EXOC2: variants seen among roughly 807,000 people sequenced by gnomAD.
The protein encoded by EXOC2 is exocyst complex component 2, also known as SEC5-like 1.
Under a neutral mutation model 131.8 loss-of-function variants are expected in EXOC2, and 70 were observed. That is an observed-to-expected ratio of 0.53 (90% CI 0.44 to 0.65). The LOEUF (loss-of-function observed/expected upper bound fraction) is 0.65. EXOC2 is among the 30% of genes least tolerant of loss of function. EXOC2 has a pLI of 0.00. For missense variants in EXOC2, 923 were observed against 1,108.6 expected, an observed-to-expected ratio of 0.83 and a Z score of 2.38; for synonymous variants, 411 against 398.4, an observed-to-expected ratio of 1.03 and a Z score of -0.38.
rs138987279 is a variant in EXOC2, at chr6:672,014, G to A, written c.-44+21005C>T. Among the ~76,000 whole-genome samples the A allele has an allele frequency of 1.8e-3, 266 of 151,990 alleles. 1 individual carries two copies. Among genetic ancestry groups the A allele is most frequent in the Non-Finnish European group, 2.7e-3 (185 of 67,994 alleles). ...ACAAAAAACTCTCAGCCATTATTAC[G>A]GCAAATATTTCTTCTGTTATTTTTT... On this transcript the variant is annotated intron_variant, in intron 1 of 27. Transcript: ENST00000230449.
intron 1 of EXOC2, chr6:656,187 T>C (rs370485638): frequency 2.0e-5 from 33 of 1,614,036 alleles, no homozygotes; most frequent in Admixed American, 3.3e-5. Flanking sequence ...GTCCCAAATA[T>C]TGCACAGGGC....
intron 23 of EXOC2, among the ~76,000 whole-genome samples, chr6:500,192 C>A (rs1418575213): frequency 1.3e-5 from 2 of 152,138 alleles, no homozygotes; most frequent in Non-Finnish European, 2.9e-5. Context: ...TCAATTATAG[C>A]ATCTTACTAC....
intron 1 of EXOC2, among the ~76,000 whole-genome samples, chr6:675,262 A>ATTTT (rs1764057298): frequency 6.6e-6 from 1 of 152,232 alleles, no homozygotes; most frequent in Admixed American, 6.5e-5. Flanking sequence ...CTCTTCACCA[A>ATTTT]AAAAGAGACT....
rs749589702 is a variant in EXOC2, at chr6:553,858, G to T, written c.2117C>A (p.Thr706Asn). 12 of 1,613,568 alleles carry T rather than the reference G, an allele frequency of 7.4e-6. No homozygotes were observed. In the Admixed American group the frequency reaches 1.8e-4, roughly 25 times the overall value. ...TCTAGTTATCGTCTGACTTACTGAGGTCAAGCTGAAGTCTTCATGGATACT... is the reference window on the plus strand; with the variant it reads ...TCTAGTTATCGTCTGACTTACTGAGTTCAAGCTGAAGTCTTCATGGATACT... ...FGSIHEDFSL[T>N]SEQRLLIVLS... The change falls in exon 21 of 28, where the codon ACC becomes AAC. Residue 706 changes from threonine (T) to asparagine (N), a missense_variant. By Grantham distance (65) the Thr-to-Asn change is moderately conservative. Coordinates refer to ENST00000230449, the MANE Select transcript of EXOC2 (RefSeq NM_018303.6).
chr6:545,100 T>C (rs1204461387), intron 22 of EXOC2, among the ~76,000 whole-genome samples: 5 of 138,482 alleles, frequency 3.6e-5, no homozygotes, highest in Admixed American at 1.6e-4. Context: ...TGAGCCGAGA[T>C]TGCGCCACTG....
At chr6:658,941 C>T (rs935100135) in intron 1 of EXOC2, among the ~76,000 whole-genome samples, 1 of 152,028 alleles carries the variant, frequency 6.6e-6, no homozygotes, top group Non-Finnish European at 1.5e-5. Context: ...GGATTATAGG[C>T]GTGAGCCACT....
intron 23 of EXOC2, among the ~76,000 whole-genome samples, chr6:531,298 T>C (rs1465137486): frequency 7.0e-6 from 1 of 141,898 alleles, no homozygotes; most frequent in African/African-American, 2.8e-5. Context: ...TGAGAAGATG[T>C]TGTAAGAATT....
chr6:502,993 C>T (rs896939351), intron 23 of EXOC2, among the ~76,000 whole-genome samples: 9 of 152,184 alleles, frequency 5.9e-5, no homozygotes, highest in African/African-American at 2.2e-4. Context: ...CAACTGGATG[C>T]ATCGGAAAGG....
intron 1 of EXOC2, among the ~76,000 whole-genome samples, chr6:646,702 T>C (rs73383352): frequency 0.013 from 1,958 of 152,324 alleles, 45 homozygotes; most frequent in African/African-American, 0.042. Flanking sequence ...GGTAATTTAA[T>C]AGTTACGTTT....
chr6:638,777 A>G (rs1002089953), intron 1 of EXOC2, among the ~76,000 whole-genome samples: 3 of 152,088 alleles, frequency 2.0e-5, no homozygotes, highest in African/African-American at 7.2e-5. Flanking sequence ...TAAAAATACA[A>G]AAATTAGCCG....
chr6:525,917 C>T (rs1371476227), intron 23 of EXOC2, among the ~76,000 whole-genome samples: 1 of 152,112 alleles, frequency 6.6e-6, no homozygotes, highest in Admixed American at 6.5e-5. Flanking sequence ...CCATCTCATC[C>T]ATTATAAAGA....
chr6:621,002 T>G (rs1341731772), intron 4 of EXOC2, among the ~76,000 whole-genome samples: 2 of 152,172 alleles, frequency 1.3e-5, no homozygotes, highest in Non-Finnish European at 2.9e-5. Context: ...GACTCATGGA[T>G]GCATCTGCTT....
intron 1 of EXOC2, among the ~76,000 whole-genome samples, chr6:683,344 A>C (rs1764498058): frequency 6.6e-6 from 1 of 152,264 alleles, no homozygotes; most frequent in African/African-American, 2.4e-5. Context: ...ATGTTCAGGA[A>C]TGAGAGAGGA....
chr6:576,904 T>C, intron 11 of EXOC2, 22 bp from the exon 12 acceptor site: 1 of 1,612,028 alleles, frequency 6.2e-7, no homozygotes. Flanking sequence ...AGGAGAGATA[T>C]ACAGAGTATA....
chr6:652,459 G>A (rs1440103099), intron 1 of EXOC2, among the ~76,000 whole-genome samples: 2 of 152,090 alleles, frequency 1.3e-5, no homozygotes, highest in African/African-American at 4.8e-5. Context: ...CTTCATTACT[G>A]ATAAAAATGT....
intron 22 of EXOC2, among the ~76,000 whole-genome samples, chr6:535,379 A>T (rs985888606): frequency 1.3e-5 from 2 of 152,114 alleles, no homozygotes; most frequent in African/African-American, 4.8e-5. Flanking sequence ...AAAATTTGAA[A>T]TTTTTTAAAA....
intron 1 of EXOC2, among the ~76,000 whole-genome samples, chr6:675,528 AG>A (rs1236339442): frequency 5.5e-5 from 3 of 54,814 alleles, no homozygotes; most frequent in Non-Finnish European, 1.4e-4. Flanking sequence ...CAGAAAGGAC[AG>A]GTTCCTCTGG....
intron 21 of EXOC2, 81 bp from the exon 22 acceptor site, chr6:549,372 A>T: frequency 1.0e-6 from 1 of 984,056 alleles, no homozygotes; most frequent in Non-Finnish European, 1.6e-6. Context: ...AAGTTTAATT[A>T]TAATCTCTGC....
intron 11 of EXOC2, among the ~76,000 whole-genome samples, chr6:585,998 C>T (rs1759184728): frequency 6.6e-6 from 1 of 152,150 alleles, no homozygotes; most frequent in South Asian, 2.1e-4. Context: ...AAAGCAGGCT[C>T]CTGAGAAAAC....
Sources: gnomAD v4.1 joint callset for allele counts (sites outside exome capture counted in the v4.1 genomes callset) on GRCh38, gnomAD v4.1.1 for gene constraint, MANE v1.5 for transcripts, NCBI Gene and HGNC (gene_info 2026-07-23, HGNC 2026-07-21) for gene names.